The following ADAMTSL1 variants were observed in gnomAD, a reference collection of about 807,000 sequenced individuals.
The protein encoded by ADAMTSL1 is ADAMTS like 1, also known as ADAMTS-like protein 1.
Under a neutral mutation model 201.8 loss-of-function variants are expected in ADAMTSL1, and 126 were observed. The ratio of observed to expected loss-of-function variants is 0.62; its 90% CI spans 0.54 to 0.72. The LOEUF (loss-of-function observed/expected upper bound fraction) is 0.72. Ranked by LOEUF, ADAMTSL1 falls within the 30% of genes least tolerant of loss-of-function variation. The probability of loss-of-function intolerance (pLI) is 0.00; values close to 1 mark genes in which losing one functional copy is unlikely to be tolerated. For synonymous variants in ADAMTSL1, 1,121 were observed against 903.4 expected, an observed-to-expected ratio of 1.24 and a Z score of -4.32; for missense variants, 2,679 against 2,277.8, an observed-to-expected ratio of 1.18 and a Z score of -3.59.
At position 18,725,063 on chromosome 9, in the gene ADAMTSL1, C is replaced by T. The variant is rs1388638748; in HGVS notation, c.2006+3398C>T. ...CTGGAACTACAGGCGCCCACCACCA[C>T]GCCTGGCTAATATTTTGTATTTTTA... On this transcript the variant is annotated intron_variant, in intron 15 of 28. Transcript: ENST00000380548. 3.9e-5 allele frequency among the ~76,000 whole-genome samples: 6 copies of T among 152,140 alleles called. No individual in the cohort carries two copies. The East Asian group carries it at 7.7e-4, about 20-fold the overall frequency.
chr9:18,085,844 G>C (rs1032406710), intron 1 of ADAMTSL1, among the ~76,000 whole-genome samples: 1 of 151,820 alleles, frequency 6.6e-6, no homozygotes, highest in Non-Finnish European at 1.5e-5. Context: ...TCTGGCTGCT[G>C]TTTGGAGAAG....
chr9:18,768,455 C>CTTTT (rs10659731), intron 16 of ADAMTSL1, among the ~76,000 whole-genome samples: 12 of 116,992 alleles, frequency 1.0e-4, no homozygotes, highest in Admixed American at 1.8e-4. Context: ...TGAGCCTCAG[C>CTTTT]TTTTTTTTTT....
chr9:18,777,821 GTTC>G lies in ADAMTSL1; in HGVS notation c.3597_3599del (p.Leu1200del), dbSNP rs1344843124. 2 of 1,613,480 alleles carry G rather than the reference GTTC, an allele frequency of 1.2e-6. No individual in the cohort carries two copies. The highest frequency in any genetic ancestry group is 1.7e-6 in the Non-Finnish European group (2 of 1,179,632). ...GGCCCTGGCCAGCGGGACACTGAGT[GTTC>G]TTCTGCACTGTGAGGCCATCGGCCA... On this transcript the variant is annotated inframe_deletion, in exon 19 of 29. Coordinates refer to ENST00000380548, the MANE Select transcript of ADAMTSL1 (RefSeq NM_001040272.6).
intron 2 of ADAMTSL1, among the ~76,000 whole-genome samples, chr9:18,235,103 C>G (rs947753051): frequency 1.3e-5 from 2 of 151,938 alleles, no homozygotes; most frequent in African/African-American, 4.8e-5. Flanking sequence ...AATTTTTTTT[C>G]TGGTCTGGAA....
chr9:18,507,824 T>C (rs1005126377), intron 2 of ADAMTSL1, among the ~76,000 whole-genome samples: 3 of 152,138 alleles, frequency 2.0e-5, no homozygotes, highest in Admixed American at 6.5e-5. Flanking sequence ...CAGGGGCCCT[T>C]TGTGGATACT....
intron 9 of ADAMTSL1, among the ~76,000 whole-genome samples, chr9:18,672,485 G>C (rs1321133660): frequency 6.6e-6 from 1 of 152,114 alleles, no homozygotes; most frequent in East Asian, 1.9e-4. Flanking sequence ...AACCACTGTT[G>C]AGAGTTTTTT....
intron 2 of ADAMTSL1, among the ~76,000 whole-genome samples, chr9:18,416,211 G>C (rs991825460): frequency 6.6e-6 from 1 of 151,966 alleles, no homozygotes; most frequent in African/African-American, 2.4e-5. Context: ...AACAAAACTA[G>C]CGTAGTATGG....
At chr9:17,961,899 T>C (rs1215612414) in intron 1 of ADAMTSL1, among the ~76,000 whole-genome samples, 8 of 152,326 alleles carry the variant, frequency 5.3e-5, no homozygotes, top group African/African-American at 1.9e-4. Flanking sequence ...CAGAACTCCC[T>C]GGAGCCATAA....
At chr9:18,357,820 T>C (rs1354369106) in intron 2 of ADAMTSL1, among the ~76,000 whole-genome samples, 1 of 152,130 alleles carries the variant, frequency 6.6e-6, no homozygotes, top group Admixed American at 6.5e-5. Context: ...CCTCCATCTC[T>C]ATATTTATTA....
At position 18,706,905 on chromosome 9, in the gene ADAMTSL1, G is replaced by A. The variant is rs1424898208; in HGVS notation, c.1733G>A (p.Cys578Tyr). The A allele has an allele frequency of 1.2e-6, 2 of 1,613,882 alleles. No homozygotes were observed. The highest frequency in any genetic ancestry group is 1.3e-5 in the African/African-American group (1 of 74,928). Residue 578 changes from cysteine (C) to tyrosine (Y), a missense_variant, in exon 14 of 29, where the codon TGT becomes TAT. Coordinates refer to ENST00000380548, the MANE Select transcript of ADAMTSL1 (RefSeq NM_001040272.6). Reference sequence around the variant, plus strand: ...CCCAAGCCAGCATCCCAGCGTGCCTGTTATGCAGGCCCATGCAGCGGGGAA... The same window carrying A: ...CCCAAGCCAGCATCCCAGCGTGCCTATTATGCAGGCCCATGCAGCGGGGAA... ...EGPKPASQRACYAGPCSGEIP... is the reference protein window; with the variant it reads ...EGPKPASQRAYYAGPCSGEIP...
intron 1 of ADAMTSL1, among the ~76,000 whole-genome samples, chr9:18,130,552 T>A (rs747467619): frequency 1.8e-4 from 28 of 152,122 alleles, no homozygotes; most frequent in Non-Finnish European, 3.4e-4. Flanking sequence ...TAGATCTGAT[T>A]GCATGATTTC....
intron 23 of ADAMTSL1, among the ~76,000 whole-genome samples, chr9:18,870,481 T>G (rs1180044287): frequency 6.6e-6 from 1 of 152,172 alleles, no homozygotes; most frequent in Non-Finnish European, 1.5e-5. Flanking sequence ...TTTTGCTGGG[T>G]CCTCTGGGGT....
At chr9:18,230,412 G>T (rs1166843654) in intron 2 of ADAMTSL1, among the ~76,000 whole-genome samples, 3 of 152,124 alleles carry the variant, frequency 2.0e-5, no homozygotes, top group Non-Finnish European at 4.4e-5. Context: ...TGTCCCCTGG[G>T]CTGAAGAGCA....
At chr9:18,323,703 A>T (rs1834716172) in intron 2 of ADAMTSL1, among the ~76,000 whole-genome samples, 1 of 152,212 alleles carries the variant, frequency 6.6e-6, no homozygotes, top group Non-Finnish European at 1.5e-5. Flanking sequence ...ATCAACAAAT[A>T]ATTAAAATTT....
chr9:18,347,891 T>C (rs1412199802), intron 2 of ADAMTSL1, among the ~76,000 whole-genome samples: 1 of 152,090 alleles, frequency 6.6e-6, no homozygotes, highest in African/African-American at 2.4e-5. Flanking sequence ...TTCCCAAAAG[T>C]TCAGTGCCAA....
intron 1 of ADAMTSL1, among the ~76,000 whole-genome samples, chr9:18,150,126 A>T (rs1429546394): frequency 6.6e-6 from 1 of 152,122 alleles, no homozygotes; most frequent in Non-Finnish European, 1.5e-5. Context: ...TTTGAAATAA[A>T]GGTACATATA....
At chr9:18,157,800 T>C (rs1827219476) in intron 1 of ADAMTSL1, among the ~76,000 whole-genome samples, 1 of 152,028 alleles carries the variant, frequency 6.6e-6, no homozygotes, top group Non-Finnish European at 1.5e-5. Context: ...ACGATCTTCT[T>C]GGGGATCATA....
At chr9:18,439,349 A>C (rs1178448993) in intron 2 of ADAMTSL1, among the ~76,000 whole-genome samples, 1 of 152,164 alleles carries the variant, frequency 6.6e-6, no homozygotes, top group Non-Finnish European at 1.5e-5. Flanking sequence ...GATATCAGTA[A>C]ATGACAAACA....
chr9:17,999,455 T>G (rs1286904751), intron 1 of ADAMTSL1, among the ~76,000 whole-genome samples: 1 of 152,028 alleles, frequency 6.6e-6, no homozygotes, highest in East Asian at 1.9e-4. Context: ...CTTTTGTTGG[T>G]CATTGTAGAT....
Sources: gnomAD v4.1 joint callset for allele counts (sites outside exome capture counted in the v4.1 genomes callset) on GRCh38, gnomAD v4.1.1 for gene constraint, MANE v1.5 for transcripts, NCBI Gene and HGNC (gene_info 2026-07-23, HGNC 2026-07-21) for gene names.